ATG4C: variants seen among roughly 807,000 people sequenced by gnomAD.
ATG4C encodes the protein cysteine protease ATG4C.
A neutral mutation model predicts 57.6 loss-of-function variants in ATG4C; 56 were observed. That is an observed-to-expected ratio of 0.97 (90% CI 0.78 to 1.21). ATG4C has a LOEUF of 1.21. ATG4C is among the 50% of genes most tolerant of loss of function. The pLI, the probability that ATG4C is intolerant of heterozygous loss-of-function variation, is 0.00. For synonymous variants in ATG4C, 157 were observed against 174.1 expected (o/e 0.90, Z 0.78); for missense variants, 595 against 529.8 (o/e 1.12, Z -1.21).
At chr1:62,851,440 T>C (rs1666518053) in intron 10 of ATG4C, among the ~76,000 whole-genome samples, 1 of 152,188 alleles carries the variant, frequency 6.6e-6, no homozygotes, top group Admixed American at 6.5e-5. Flanking sequence ...GAATTTTAAC[T>C]CTGCATTTCT....
chr1:62,826,984 A>C (rs1358048993), intron 6 of ATG4C, among the ~76,000 whole-genome samples: 2 of 152,184 alleles, frequency 1.3e-5, no homozygotes, highest in Non-Finnish European at 2.9e-5. Context: ...GAGTAAAATG[A>C]AAGCAAGTTT....
At chr1:62,805,441 G>T (rs531929285) in intron 3 of ATG4C, among the ~76,000 whole-genome samples, 186 bp downstream of exon 3, 1 of 151,846 alleles carries the variant, frequency 6.6e-6, no homozygotes, top group African/African-American at 2.4e-5. Context: ...TAAGGACCTT[G>T]TCATCTTTTG....
intron 3 of ATG4C, among the ~76,000 whole-genome samples, 200 bp downstream of exon 3, chr1:62,805,455 T>C (rs1488420098): frequency 6.6e-6 from 1 of 152,100 alleles, no homozygotes; most frequent in African/African-American, 2.4e-5. Context: ...TCTTTTGTTA[T>C]ATCCCCATAA....
intron 10 of ATG4C, among the ~76,000 whole-genome samples, chr1:62,861,576 AACACACACACACACACACACAC>A (rs57225222): frequency 0.053 from 7,141 of 133,530 alleles, 235 homozygotes; most frequent in Non-Finnish European, 0.072. Context: ...TGGAAAATAG[AACACACACACACACACACACAC>A]ACACACACAC....
At chr1:62,852,202 A>T (rs1366640394) in intron 10 of ATG4C, among the ~76,000 whole-genome samples, 1 of 152,208 alleles carries the variant, frequency 6.6e-6, no homozygotes, top group Non-Finnish European at 1.5e-5. Flanking sequence ...ATACTCATAC[A>T]CACACCATTA....
intron 4 of ATG4C, 83 bp downstream of exon 4, chr1:62,816,891 C>G (rs1665297080): frequency 9.3e-7 from 1 of 1,075,908 alleles, no homozygotes; most frequent in Admixed American, 3.1e-5. Context: ...AGCTTACAAA[C>G]TGCATGAAAT....
At chr1:62,827,274 C>T (rs1665693043) in intron 6 of ATG4C, among the ~76,000 whole-genome samples, 1 of 152,220 alleles carries the variant, frequency 6.6e-6, no homozygotes. Context: ...CTCCAGAAGA[C>T]TGGCATCTTG....
intron 1 of ATG4C, among the ~76,000 whole-genome samples, chr1:62,790,209 C>T (rs915195478): frequency 2.0e-5 from 3 of 152,140 alleles, no homozygotes; most frequent in African/African-American, 7.2e-5. Context: ...CCACTGTACC[C>T]GGCCAACATA....
chr1:62,808,430 A>T (rs573482853), intron 3 of ATG4C, among the ~76,000 whole-genome samples: 13 of 152,052 alleles, frequency 8.5e-5, no homozygotes, highest in African/African-American at 3.1e-4. Context: ...AAGGATAGAC[A>T]TATTGATTTT....
At chr1:62,848,796 C>G (rs12032591) in intron 10 of ATG4C, among the ~76,000 whole-genome samples, 2 of 152,166 alleles carry the variant, frequency 1.3e-5, no homozygotes, top group Non-Finnish European at 2.9e-5. Context: ...CAGTAATGCT[C>G]CAGGTGGCAA....
intron 1 of ATG4C, among the ~76,000 whole-genome samples, chr1:62,793,618 A>AAAAAAAAAAAAAAAAAAAAAAAAC (rs1553221617): frequency 4.8e-5 from 5 of 104,036 alleles, no homozygotes; most frequent in East Asian, 2.8e-4. Flanking sequence ...AAAAAAAAAA[A>AAAAAAAAAAAAAAAAAAAAAAAAC]AACCAAAAAA....
rs928672060 is a variant in ATG4C at position 62,818,982 on chromosome 1, A to G, written c.395-23A>G. 9 of 1,483,192 alleles carry G rather than the reference A, an allele frequency of 6.1e-6. No individual in the cohort carries two copies. The African/African-American group carries it at 7.0e-5, about 12-fold the overall frequency. 91.9% of individuals were successfully genotyped at this position (1,483,192 alleles called of 1,614,324 possible). A position where few individuals can be genotyped will look rare whatever the true frequency, so the allele number is the denominator to read the frequency against. ...AAGTATCTATTTAAAAGATCTGAACACTTTGCTTTGGAACTACTATAGCTT... is the reference window on the plus strand; with the variant it reads ...AAGTATCTATTTAAAAGATCTGAACGCTTTGCTTTGGAACTACTATAGCTT... On this transcript the variant is annotated intron_variant, in intron 4 of 10. Coordinates refer to ENST00000317868, the MANE Select transcript of ATG4C (RefSeq NM_032852.4).
At chr1:62,787,072 C>T (rs1185199333) in intron 1 of ATG4C, among the ~76,000 whole-genome samples, 1 of 152,108 alleles carries the variant, frequency 6.6e-6, no homozygotes, top group African/African-American at 2.4e-5. Flanking sequence ...GATTGTTGCA[C>T]CCTTCACCGA....
rs1234777610 is a variant in ATG4C, at chr1:62,816,751, T to C, written c.337T>C (p.Leu113=). The change falls in exon 4 of 11, where the codon TTG becomes CTG. Residue 113 remains leucine, a synonymous_variant. Coordinates refer to ENST00000317868, the MANE Select transcript of ATG4C (RefSeq NM_032852.4). Reference sequence around the variant, plus strand: ...AACAGACTGTGGGTGGGGCTGCACATTGAGAACTGGCCAGATGCTCTTGGC... The same window carrying C: ...AACAGACTGTGGGTGGGGCTGCACACTGAGAACTGGCCAGATGCTCTTGGC... ...LTTDCGWGCT[L]RTGQMLLAQG... 1.2e-6 allele frequency: 2 copies of C among 1,613,382 alleles called. No homozygotes were observed. Among genetic ancestry groups the C allele is most frequent in the African/African-American group, 1.3e-5 (1 of 75,042 alleles).
At position 62,827,511 on chromosome 1, in the gene ATG4C, T is replaced by C. The variant is rs866183036; in HGVS notation, c.797-1529T>C. ...CTTCTCTCTTTGTTTTTTCAAAGCATGCATCACCATCTCTATTTCCTCCAT... is the reference window on the plus strand; with the variant it reads ...CTTCTCTCTTTGTTTTTTCAAAGCACGCATCACCATCTCTATTTCCTCCAT... On this transcript the variant is annotated intron_variant, in intron 6 of 10. Transcript: ENST00000317868. Among the ~76,000 whole-genome samples, 2 of 152,220 alleles carry C rather than the reference T, an allele frequency of 1.3e-5. 1 individual carries two copies. Among genetic ancestry groups the C allele is most frequent in the South Asian group, 4.1e-4 (2 of 4,830 alleles).
At chr1:62,859,955 T>G (rs1489585985) in intron 10 of ATG4C, among the ~76,000 whole-genome samples, 1 of 152,180 alleles carries the variant, frequency 6.6e-6, no homozygotes. Flanking sequence ...TTTGACTGTT[T>G]TATAAGCACT....
At chr1:62,818,773 A>G (rs1665368359) in intron 4 of ATG4C, among the ~76,000 whole-genome samples, 1 of 152,020 alleles carries the variant, frequency 6.6e-6, no homozygotes, top group Admixed American at 6.6e-5. Context: ...CATAAATCTA[A>G]TTTTAGAACA....
intron 3 of ATG4C, among the ~76,000 whole-genome samples, chr1:62,813,376 C>G (rs1045323121): frequency 6.6e-6 from 1 of 152,130 alleles, no homozygotes; most frequent in African/African-American, 2.4e-5. Context: ...ATAAATGGTG[C>G]TGGGAAAACT....
At chr1:62,860,283 T>G (rs6676637) in intron 10 of ATG4C, among the ~76,000 whole-genome samples, 69,001 of 151,984 alleles carry the variant, frequency 0.45, 15,777 homozygotes, top group East Asian at 0.67. Context: ...GTTCTACAGG[T>G]AATTTCTTTT....
Sources: gnomAD v4.1 joint callset for allele counts (sites outside exome capture counted in the v4.1 genomes callset) on GRCh38, gnomAD v4.1.1 for gene constraint, MANE v1.5 for transcripts, NCBI Gene and HGNC (gene_info 2026-07-23, HGNC 2026-07-21) for gene names.